GLIS1: variants seen among roughly 807,000 people sequenced by gnomAD.
GLIS1 encodes the protein zinc finger protein GLIS1.
Under a neutral mutation model 63.8 loss-of-function variants are expected in GLIS1, and 24 were observed. That is an observed-to-expected ratio of 0.38 (90% CI 0.27 to 0.53). The LOEUF (loss-of-function observed/expected upper bound fraction) is 0.53, where lower values mean the gene tolerates loss of function less well. GLIS1 is among the 20% of genes least tolerant of loss of function. GLIS1 has a pLI of 0.85. For missense variants in GLIS1, 1,036 were observed against 1,074.1 expected (o/e 0.96, Z 0.50); for synonymous variants, 450 against 482.5 (o/e 0.93, Z 0.88).
At chr1:53,708,357 G>C (rs1164695799) in intron 2 of GLIS1, among the ~76,000 whole-genome samples, 1 of 152,142 alleles carries the variant, frequency 6.6e-6, no homozygotes, top group Non-Finnish European at 1.5e-5. Flanking sequence ...TAGGCCAAGT[G>C]GGGGTAGTAC....
At chr1:53,570,329 C>G (rs1241298495) in intron 4 of GLIS1, among the ~76,000 whole-genome samples, 1 of 151,888 alleles carries the variant, frequency 6.6e-6, no homozygotes, top group Non-Finnish European at 1.5e-5. Flanking sequence ...ACTATGTTGC[C>G]CAGACTGGTC....
At chr1:53,531,666 C>T (rs1183689672) in intron 4 of GLIS1, among the ~76,000 whole-genome samples, 1 of 152,234 alleles carries the variant, frequency 6.6e-6, no homozygotes, top group Non-Finnish European at 1.5e-5. Flanking sequence ...CACACACGCA[C>T]ACCACCATAA....
intron 7 of GLIS1, among the ~76,000 whole-genome samples, chr1:53,519,269 C>T (rs57232584): frequency 0.018 from 2,671 of 152,294 alleles, 52 homozygotes; most frequent in African/African-American, 0.052. Context: ...CCCAGGCATC[C>T]ATCCGCCTGT....
chr1:53,691,679 T>C (rs912873747), intron 2 of GLIS1, among the ~76,000 whole-genome samples: 2 of 152,156 alleles, frequency 1.3e-5, no homozygotes, highest in African/African-American at 4.8e-5. Flanking sequence ...CATCAAATCA[T>C]ACACTGGCCG....
chr1:53,513,064 C>T (rs369238796), intron 8 of GLIS1, among the ~76,000 whole-genome samples: 1 of 152,106 alleles, frequency 6.6e-6, no homozygotes, highest in African/African-American at 2.4e-5. Flanking sequence ...CTTTGCACCC[C>T]CTTCAGGCTG....
chr1:53,736,304 G>A (rs1207621784), intron 2 of GLIS1, among the ~76,000 whole-genome samples: 2 of 152,210 alleles, frequency 1.3e-5, no homozygotes, highest in Non-Finnish European at 2.9e-5. Context: ...TAGGAAGATC[G>A]TACACAAAGC....
At chr1:53,524,378 T>C (rs543218) in intron 6 of GLIS1, among the ~76,000 whole-genome samples, 12,894 of 152,272 alleles carry the variant, frequency 0.085, 1,718 homozygotes, top group African/African-American at 0.28. Context: ...TGACATGAGG[T>C]AGAATCATCT....
At chr1:53,604,708 G>A (rs1158673114) in intron 2 of GLIS1, among the ~76,000 whole-genome samples, 1 of 152,136 alleles carries the variant, frequency 6.6e-6, no homozygotes, top group Non-Finnish European at 1.5e-5. Context: ...ACCCTCAGGA[G>A]TTGACTGGGC....
In GLIS1 at chr1:53,520,673, C is replaced by T. The variant is rs1441668038; in HGVS notation, c.1687G>A (p.Gly563Ser). ...HTSTQLAASDGKGGCGLGQEL... is the reference protein window; with the variant it reads ...HTSTQLAASDSKGGCGLGQEL... ...TGGCCCAGGCCACAGCCACCCTTGC[C>T]GTCGCTGGCAGCCAGCTGTGTGGAC... The change falls in exon 7 of 11, where the codon GGC becomes AGC. Residue 563 changes from glycine to serine, a missense_variant. Coordinates refer to ENST00000628545, the MANE Select transcript of GLIS1 (RefSeq NM_001367484.1). 17 of 1,610,608 alleles carry T rather than the reference C, an allele frequency of 1.1e-5. No homozygotes were observed. Among genetic ancestry groups the T allele is most frequent in the African/African-American group, 2.7e-5 (2 of 75,028 alleles).
intron 2 of GLIS1, among the ~76,000 whole-genome samples, chr1:53,731,642 C>A (rs1238483675): frequency 6.6e-6 from 1 of 152,202 alleles, no homozygotes; most frequent in African/African-American, 2.4e-5. Context: ...CTCAGTCCCC[C>A]CATCTTTAAA....
chr1:53,725,186 A>G (rs1285336298), intron 2 of GLIS1, among the ~76,000 whole-genome samples: 1 of 152,154 alleles, frequency 6.6e-6, no homozygotes, highest in Non-Finnish European at 1.5e-5. Context: ...TCACTCCAAG[A>G]AGAAAGCTTA....
chr1:53,706,499 C>G (rs1570080889), intron 2 of GLIS1, among the ~76,000 whole-genome samples: 3 of 152,338 alleles, frequency 2.0e-5, no homozygotes, highest in Admixed American at 2.0e-4. Context: ...ACAGTCCTAT[C>G]CCAGCAAAGG....
Position 53,594,189 on chromosome 1 carries a change from G to T in GLIS1, c.1239C>A (p.Arg413=). Residue 413 remains arginine, a synonymous_variant, in exon 4 of 11, where the codon CGC becomes CGA. Transcript: ENST00000628545. ...AGCGGGCGTTGAAGGGCTTGTAGCG[G>T]CGCACGCAGCCAGCCCAGAAGCAGG... ...DFTCFWAGCV[R]RYKPFNARYK... is the part of the protein sequence containing the mutation. 6.2e-7 allele frequency: 1 copy of T among 1,614,014 alleles called. No individual in the cohort carries two copies. The highest frequency in any genetic ancestry group is 8.5e-7 in the Non-Finnish European group (1 of 1,179,970).
intron 6 of GLIS1, among the ~76,000 whole-genome samples, chr1:53,523,197 C>T (rs1317914120): frequency 6.6e-6 from 1 of 152,042 alleles, no homozygotes; most frequent in Admixed American, 6.5e-5. Flanking sequence ...ACATCCCCTC[C>T]CTCCTCAGGG....
intron 2 of GLIS1, among the ~76,000 whole-genome samples, chr1:53,702,008 A>G (rs1160515945): frequency 1.3e-5 from 2 of 148,768 alleles, no homozygotes; most frequent in South Asian, 2.1e-4. Context: ...GAAAAAAAAA[A>G]AAAAAAAAAA....
At chr1:53,524,181 C>T (rs566166630) in intron 6 of GLIS1, among the ~76,000 whole-genome samples, 53 of 152,360 alleles carry the variant, frequency 3.5e-4, no homozygotes, top group Non-Finnish European at 6.5e-4. Context: ...CCCAAAGGCA[C>T]GTACGTGCCT....
intron 4 of GLIS1, among the ~76,000 whole-genome samples, chr1:53,532,514 G>A (rs1442222477): frequency 6.6e-6 from 1 of 152,212 alleles, no homozygotes; most frequent in Non-Finnish European, 1.5e-5. Context: ...TCCAGATGTT[G>A]TGCCTTTTTC....
chr1:53,515,786 T>G (rs1451738468), intron 7 of GLIS1, among the ~76,000 whole-genome samples: 1 of 135,144 alleles, frequency 7.4e-6, no homozygotes, highest in Non-Finnish European at 1.6e-5. Flanking sequence ...ATGGCAAGAG[T>G]TGTAAGTTTT....
intron 2 of GLIS1, among the ~76,000 whole-genome samples, chr1:53,618,227 C>T (rs1645503330): frequency 1.3e-5 from 2 of 152,232 alleles, no homozygotes; most frequent in East Asian, 1.9e-4. Flanking sequence ...TTCCCCTTCT[C>T]CCGCTGTAAG....
Sources: allele counts gnomAD v4.1 joint callset (sites outside exome capture counted in the v4.1 genomes callset), GRCh38; gene constraint gnomAD v4.1.1; transcripts MANE v1.5; gene names NCBI Gene and HGNC (gene_info 2026-07-23, HGNC 2026-07-21).